The following TRIM24 variants were observed in gnomAD, a reference collection of about 807,000 sequenced individuals.
The protein encoded by TRIM24 is transcription intermediary factor 1-alpha.
In TRIM24, 29 loss-of-function variants were observed where a neutral mutation model predicts 123.9. The ratio of observed to expected loss-of-function variants is 0.23; its 90% confidence interval spans 0.17 to 0.32. TRIM24 has a LOEUF of 0.32. TRIM24 is among the 10% of genes least tolerant of loss of function. TRIM24 has a pLI of 1.00. For synonymous variants in TRIM24, 456 were observed against 461.1 expected, an observed-to-expected ratio of 0.99 and a Z score of 0.14; for missense variants, 932 against 1,295.3, an observed-to-expected ratio of 0.72 and a Z score of 4.31.
chr7:138,583,355 C>A (rs1462066271), intron 17 of TRIM24, among the ~76,000 whole-genome samples: 1 of 152,204 alleles, frequency 6.6e-6, no homozygotes, highest in Non-Finnish European at 1.5e-5. Context: ...TGCAGTGGCT[C>A]ACGCCTGTAA....
chr7:138,563,711 G>A (rs1797474879), intron 9 of TRIM24, among the ~76,000 whole-genome samples: 1 of 152,216 alleles, frequency 6.6e-6, no homozygotes, highest in South Asian at 2.1e-4. Flanking sequence ...GTCAAACGGA[G>A]TGTAAAGCTG....
chr7:138,555,087 T>C, intron 9 of TRIM24, 121 bp downstream of exon 9: 1 of 1,067,678 alleles, frequency 9.4e-7, no homozygotes, highest in Non-Finnish European at 1.3e-6. Flanking sequence ...TAAAAATTTA[T>C]CACATTAAGG....
intron 1 of TRIM24, among the ~76,000 whole-genome samples, chr7:138,497,644 C>T (rs368660022): frequency 1.4e-4 from 21 of 152,114 alleles, no homozygotes; most frequent in East Asian, 9.7e-4. Context: ...ATCCGTCCGC[C>T]TCGGTCTCTC....
intron 3 of TRIM24, among the ~76,000 whole-genome samples, chr7:138,517,593 C>G (rs529680115): frequency 6.6e-6 from 1 of 152,020 alleles, no homozygotes; most frequent in Non-Finnish European, 1.5e-5. Flanking sequence ...AGGCTGGTCT[C>G]GAACTCCTGA....
chr7:138,515,421 G>A (rs934589998), intron 3 of TRIM24, 62 bp downstream of exon 3: 5 of 1,560,462 alleles, frequency 3.2e-6, no homozygotes, highest in East Asian at 2.3e-5. Flanking sequence ...CTTCCTTCCT[G>A]TATTGACTTG....
rs1444521708 is a variant in TRIM24, at chr7:138,589,621, G to A, written c.*4670G>A. ...AAAAATCTGACAGGAAGGAAAGCGG[G>A]TGGTAAGTATCTTGGATTATTCTGC... On this transcript the variant is annotated 3_prime_UTR_variant, in exon 19 of 19. Transcript: ENST00000343526. 1 of 152,180 alleles carries A rather than the reference G, an allele frequency of 6.6e-6. No individual in the cohort carries two copies. Among genetic ancestry groups the A allele is most frequent in the Non-Finnish European group, 1.5e-5 (1 of 68,036 alleles). The allele number at this position is 152,180 out of a possible 1,614,324, so 9.4% of individuals were successfully genotyped here.
chr7:138,537,508 T>G (rs1215047817), intron 6 of TRIM24, among the ~76,000 whole-genome samples: 1 of 145,322 alleles, frequency 6.9e-6, no homozygotes, highest in Admixed American at 7.3e-5. Flanking sequence ...CATAAGAAAT[T>G]GGCTGAAATA....
At chr7:138,509,849 A>T (rs571235152) in intron 2 of TRIM24, among the ~76,000 whole-genome samples, 4 of 152,266 alleles carry the variant, frequency 2.6e-5, no homozygotes, top group African/African-American at 9.6e-5. Context: ...ATGCAAAAGG[A>T]TGGAATTATT....
intron 7 of TRIM24, among the ~76,000 whole-genome samples, chr7:138,542,314 C>G (rs1396079050): frequency 1.3e-5 from 2 of 152,264 alleles, no homozygotes; most frequent in East Asian, 3.9e-4. Flanking sequence ...CACTTGAACA[C>G]TTAGAGACTA....
At chr7:138,465,721 T>C (rs1010235815) in intron 1 of TRIM24, among the ~76,000 whole-genome samples, 2 of 152,190 alleles carry the variant, frequency 1.3e-5, no homozygotes, top group African/African-American at 4.8e-5. Context: ...GTGTTACCTG[T>C]CAGTCCTATA....
intron 2 of TRIM24, among the ~76,000 whole-genome samples, chr7:138,508,714 T>TGTGTGTGCGTGTGTGTGTGTGC (rs1796216842): frequency 1.1e-5 from 1 of 90,374 alleles, no homozygotes; most frequent in Non-Finnish European, 2.5e-5. Context: ...TGTGCGTGTG[T>TGTGTGTGCGTGTGTGTGTGTGC]GTGTGCGTGT....
rs770786278 is a variant in TRIM24 at position 138,551,091 on chromosome 7, G to A, written c.1172G>A (p.Arg391His). The change falls in exon 8 of 19, where the codon CGT (arginine) becomes CAT (histidine). Residue 391 changes from arginine to histidine, a missense_variant. Transcript: ENST00000343526. ...ACATACCGGTTACGGCACCTCCTTC[G>A]TGCAAGGTGTGATGCATCCCCAGTG... ...LITYRLRHLL[R>H]ARCDASPVTN... 44 of 1,613,410 alleles carry A rather than the reference G, an allele frequency of 2.7e-5. No homozygotes were observed. The highest frequency in any genetic ancestry group is 3.5e-5 in the Non-Finnish European group (41 of 1,179,596).
intron 5 of TRIM24, among the ~76,000 whole-genome samples, 168 bp downstream of exon 5, chr7:138,525,525 T>C (rs1356418251): frequency 6.6e-6 from 1 of 152,232 alleles, no homozygotes; most frequent in Non-Finnish European, 1.5e-5. Context: ...TCTTTTCTGC[T>C]GTAAAATTTC....
intron 2 of TRIM24, among the ~76,000 whole-genome samples, chr7:138,512,163 G>A (rs140384130): frequency 6.6e-6 from 1 of 152,120 alleles, no homozygotes; most frequent in East Asian, 1.9e-4. Context: ...CCAAAGCCTT[G>A]GGCAGCTGTA....
chr7:138,587,534 C>T lies in TRIM24; in HGVS notation c.*2583C>T, dbSNP rs1005854774. On this transcript the variant is annotated 3_prime_UTR_variant, in exon 19 of 19. Transcript: ENST00000343526. ...AATGAGCCTAACTATAACCCACACT[C>T]ACTTATCAAGCATTCCCCCAAAAGT... 3 of 152,220 alleles carry T rather than the reference C, an allele frequency of 2.0e-5. No individual in the cohort carries two copies. Among genetic ancestry groups the T allele is most frequent in the Admixed American group, 6.5e-5 (1 of 15,284 alleles). 9.4% of individuals were successfully genotyped at this position (152,220 alleles called of 1,614,324 possible).
intron 14 of TRIM24, among the ~76,000 whole-genome samples, chr7:138,578,547 TGTGTGTGTGTGTGTGTGC>T (rs1317065966): frequency 1.5e-5 from 2 of 135,676 alleles, no homozygotes; most frequent in East Asian, 5.1e-4. Flanking sequence ...TGTGTGTGTG[TGTGTGTGTGTGTGTGTGC>T]GCGCACGCAC....
chr7:138,551,167 T>C lies in TRIM24; in HGVS notation c.1248T>C (p.Asn416=). The change falls in exon 8 of 19, where the codon AAT becomes AAC. Residue 416 remains asparagine (N), a synonymous_variant. Transcript: ENST00000343526. ...GTGATCCTAGTTTCTGGGCTCAAAATATCATCAACTTAGGTGGGCCATTAC... is the reference window on the plus strand; with the variant it reads ...GTGATCCTAGTTTCTGGGCTCAAAACATCATCAACTTAGGTGGGCCATTAC... ...FHCDPSFWAQ[N]IINLGSLVIE... 1 of 1,613,234 alleles carries C rather than the reference T, an allele frequency of 6.2e-7. No individual in the cohort carries two copies. Among genetic ancestry groups the C allele is most frequent in the Non-Finnish European group, 8.5e-7 (1 of 1,179,206 alleles).
chr7:138,575,992 CCT>C (rs112639036), intron 12 of TRIM24, among the ~76,000 whole-genome samples: 88 of 152,226 alleles, frequency 5.8e-4, no homozygotes, highest in Middle Eastern at 3.4e-3. Context: ...AGATCTTACC[CCT>C]GTTACTCTAA....
At chr7:138,486,418 A>C (rs537254135) in intron 1 of TRIM24, among the ~76,000 whole-genome samples, 2 of 152,182 alleles carry the variant, frequency 1.3e-5, no homozygotes, top group African/African-American at 4.8e-5. Context: ...GCCCATGCCT[A>C]TGTCCTGAAT....
Sources: gnomAD v4.1 joint callset for allele counts (sites outside exome capture counted in the v4.1 genomes callset) on GRCh38, gnomAD v4.1.1 for gene constraint, MANE v1.5 for transcripts, NCBI Gene and HGNC (gene_info 2026-07-23, HGNC 2026-07-21) for gene names.